Variants in EPHB1 observed in about 807,000 individuals in gnomAD.
EPHB1 encodes EPH receptor B1, also known as ephrin type-B receptor 1.
A neutral mutation model predicts 94.4 loss-of-function variants in EPHB1; 30 were observed. That is an observed-to-expected ratio of 0.32 (90% CI 0.24 to 0.43). The LOEUF (loss-of-function observed/expected upper bound fraction) is 0.43, where lower values mean the gene tolerates loss of function less well. Among genes scored for constraint, EPHB1 ranks in the 20% least tolerant of loss-of-function variants. The pLI is 1.00. For missense variants in EPHB1, 1,055 were observed against 1,308.3 expected (o/e 0.81, Z 2.99); for synonymous variants, 522 against 489.1 (o/e 1.07, Z -0.89).
chr3:134,865,083 T>C (rs1184706497), intron 1 of EPHB1, among the ~76,000 whole-genome samples: 1 of 152,162 alleles, frequency 6.6e-6, no homozygotes, highest in African/African-American at 2.4e-5. Flanking sequence ...TGTGTGTGTG[T>C]GTGCATGTGT....
At position 135,154,292 on chromosome 3, in the gene EPHB1, C is replaced by A. The variant is rs779277364; in HGVS notation, c.1422+16C>A. On this transcript the variant is annotated intron_variant, in intron 6 of 15. Transcript: ENST00000398015. Reference sequence around the variant, plus strand: ...CTATGAGAAGGTGAGCCAGCTCTACCTGCAAGCTTGCAAGACCCAAGGCCA... The same window carrying A: ...CTATGAGAAGGTGAGCCAGCTCTACATGCAAGCTTGCAAGACCCAAGGCCA... 55 of 1,613,598 alleles carry A rather than the reference C, an allele frequency of 3.4e-5. No individual in the cohort carries two copies. In the Admixed American group the frequency reaches 9.2e-4, roughly 27 times the overall value.
At chr3:134,862,766 C>T (rs189657531) in intron 1 of EPHB1, among the ~76,000 whole-genome samples, 1 of 152,244 alleles carries the variant, frequency 6.6e-6, no homozygotes. Context: ...CAAGACATCC[C>T]TTTTGCTGTG....
intron 11 of EPHB1, among the ~76,000 whole-genome samples, chr3:135,196,190 T>C (rs1390144384): frequency 6.6e-6 from 1 of 152,152 alleles, no homozygotes; most frequent in African/African-American, 2.4e-5. Flanking sequence ...TTGTTTGTTT[T>C]TTTCTTGTAA....
chr3:134,910,880 T>C (rs1297093169), intron 1 of EPHB1, among the ~76,000 whole-genome samples: 1 of 152,210 alleles, frequency 6.6e-6, no homozygotes, highest in African/African-American at 2.4e-5. Flanking sequence ...TCCTGTGCAG[T>C]TGACAGTGGT....
chr3:135,023,438 C>A (rs1936045178), intron 3 of EPHB1, among the ~76,000 whole-genome samples: 1 of 152,138 alleles, frequency 6.6e-6, no homozygotes, highest in South Asian at 2.1e-4. Flanking sequence ...AGTAGCACCC[C>A]CTCTCCTCAA....
At chr3:134,835,333 G>C (rs896926316) in intron 1 of EPHB1, among the ~76,000 whole-genome samples, 6 of 152,236 alleles carry the variant, frequency 3.9e-5, no homozygotes, top group African/African-American at 1.4e-4. Flanking sequence ...GAGCTGGACA[G>C]CATTTAATGG....
chr3:135,243,703 G>A (rs1322717311), intron 13 of EPHB1, among the ~76,000 whole-genome samples: 1 of 152,138 alleles, frequency 6.6e-6, no homozygotes. Context: ...GATGACAATT[G>A]AAAGGTTTTA....
At chr3:134,816,525 G>A (rs1019509978) in intron 1 of EPHB1, among the ~76,000 whole-genome samples, 1 of 152,082 alleles carries the variant, frequency 6.6e-6, no homozygotes, top group African/African-American at 2.4e-5. Flanking sequence ...TGGGGATGGT[G>A]GTACTCACCT....
chr3:134,894,779 C>T (rs1052671577), intron 1 of EPHB1, among the ~76,000 whole-genome samples: 3 of 152,206 alleles, frequency 2.0e-5, no homozygotes, highest in East Asian at 1.9e-4. Context: ...GCGTCCTCCT[C>T]GTGGTCACCT....
At chr3:134,868,955 C>G (rs1578153533) in intron 1 of EPHB1, among the ~76,000 whole-genome samples, 2 of 152,254 alleles carry the variant, frequency 1.3e-5, no homozygotes, top group African/African-American at 4.8e-5. Context: ...CTGATAAGCT[C>G]TTACCTGAGA....
chr3:134,939,381 T>TGGGGGGGG (rs141210191), intron 2 of EPHB1, among the ~76,000 whole-genome samples: 1 of 99,534 alleles, frequency 1.0e-5, no homozygotes, highest in Non-Finnish European at 2.3e-5. Context: ...GAATGGGGGG[T>TGGGGGGGG]GGGGGGGTGG....
chr3:134,839,151 G>T (rs1387459444), intron 1 of EPHB1, among the ~76,000 whole-genome samples: 1 of 152,122 alleles, frequency 6.6e-6, no homozygotes, highest in East Asian at 1.9e-4. Flanking sequence ...AAGTTAACAG[G>T]GAAATCCACA....
intron 3 of EPHB1, among the ~76,000 whole-genome samples, chr3:134,953,258 T>G (rs1018325312): frequency 1.3e-5 from 2 of 152,244 alleles, no homozygotes; most frequent in African/African-American, 4.8e-5. Flanking sequence ...GTTAGTGCCA[T>G]CAGCTCTGCA....
At chr3:134,959,054 A>T (rs901880659) in intron 3 of EPHB1, among the ~76,000 whole-genome samples, 5 of 152,220 alleles carry the variant, frequency 3.3e-5, no homozygotes, top group African/African-American at 1.2e-4. Context: ...CCCTAGGTGG[A>T]TTTTGTTTGA....
At chr3:134,901,565 C>T (rs1276401367) in intron 1 of EPHB1, among the ~76,000 whole-genome samples, 2 of 152,240 alleles carry the variant, frequency 1.3e-5, no homozygotes, top group Admixed American at 1.3e-4. Context: ...TTCTCACCTG[C>T]TGGCTTGGCA....
intron 12 of EPHB1, among the ~76,000 whole-genome samples, chr3:135,202,433 A>G (rs902236023): frequency 1.6e-5 from 2 of 126,502 alleles, no homozygotes; most frequent in African/African-American, 5.6e-5. Context: ...TAGGGTACCA[A>G]AAAATCTATC....
At chr3:135,084,108 G>A (rs187867481) in intron 3 of EPHB1, among the ~76,000 whole-genome samples, 186 of 152,166 alleles carry the variant, frequency 1.2e-3, no homozygotes, top group Middle Eastern at 0.01. Context: ...TGAAATAAAA[G>A]TAAAGGAAAG....
intron 3 of EPHB1, among the ~76,000 whole-genome samples, chr3:135,010,069 C>A (rs533910825): frequency 6.6e-4 from 100 of 152,220 alleles, no homozygotes; most frequent in African/African-American, 1.6e-3. Flanking sequence ...TAGAAAATTA[C>A]TGTATATCTT....
chr3:134,858,441 A>T (rs903735435), intron 1 of EPHB1, among the ~76,000 whole-genome samples: 1 of 152,134 alleles, frequency 6.6e-6, no homozygotes, highest in Non-Finnish European at 1.5e-5. Flanking sequence ...ACTGCCGAAC[A>T]TCTGTTAAAT....
Sources: gnomAD v4.1 joint callset for allele counts (sites outside exome capture counted in the v4.1 genomes callset) on GRCh38, gnomAD v4.1.1 for gene constraint, MANE v1.5 for transcripts, NCBI Gene and HGNC (gene_info 2026-07-23, HGNC 2026-07-21) for gene names.